The following LARP1 variants were observed in gnomAD, a reference collection of about 807,000 sequenced individuals.
The protein encoded by LARP1 is la-related protein 1.
In LARP1, 36 loss-of-function variants were observed where a neutral mutation model predicts 122.7. That is an observed-to-expected ratio of 0.29 (90% CI 0.22 to 0.39). The LOEUF (loss-of-function observed/expected upper bound fraction) is 0.39, where lower values mean the gene tolerates loss of function less well. Among genes scored for constraint, LARP1 ranks in the 10% least tolerant of loss-of-function variants. The probability of loss-of-function intolerance (pLI) is 1.00; values close to 1 mark genes in which losing one functional copy is unlikely to be tolerated. For missense variants in LARP1, 1,040 were observed against 1,403.6 expected (o/e 0.74, Z 4.14); for synonymous variants, 539 against 528.7 (o/e 1.02, Z -0.27).
intron 8 of LARP1, 107 bp from the exon 9 acceptor site, chr5:154,799,484 G>A: frequency 3.7e-6 from 4 of 1,081,790 alleles, no homozygotes; most frequent in Non-Finnish European, 5.5e-6. Flanking sequence ...ATTACTGGTA[G>A]CATTGGACTC....
intron 1 of LARP1, among the ~76,000 whole-genome samples, chr5:154,713,495 T>C (rs1395634392): frequency 6.6e-6 from 1 of 152,248 alleles, no homozygotes; most frequent in Admixed American, 6.5e-5. Flanking sequence ...ACTAAATTGA[T>C]GCAGGTTTAG....
chr5:154,786,928 G>C (rs184590783), intron 1 of LARP1, among the ~76,000 whole-genome samples: 89 of 151,526 alleles, frequency 5.9e-4, no homozygotes, highest in African/African-American at 2.1e-3. Context: ...GCCCAGGCTG[G>C]AGCACAATGG....
chr5:154,732,759 A>G (rs1460585282), intron 1 of LARP1, among the ~76,000 whole-genome samples: 1 of 151,686 alleles, frequency 6.6e-6, no homozygotes, highest in Non-Finnish European at 1.5e-5. Context: ...GTCTCCAGCA[A>G]TGGATGTGAT....
chr5:154,790,873 C>T (rs1473030548), intron 3 of LARP1, among the ~76,000 whole-genome samples, 163 bp downstream of exon 3: 1 of 152,008 alleles, frequency 6.6e-6, no homozygotes, highest in Non-Finnish European at 1.5e-5. Context: ...GTTGGAGTGC[C>T]ATGGTACAAT....
Position 154,802,525 on chromosome 5 carries a change from T to C in LARP1, c.2109+126T>C, listed in dbSNP as rs1382428424. 2 of 1,156,384 alleles carry C rather than the reference T, an allele frequency of 1.7e-6. No homozygotes were observed. The highest frequency in any genetic ancestry group is 5.0e-5 in the East Asian group (2 of 39,740). 71.6% of individuals were successfully genotyped at this position (1,156,384 alleles called of 1,614,324 possible). ...AATTCAGAGTCTCAGGATTTTTATA[T>C]ATGGGAAGGGGATGATGACTGACAT... is the stretch of plus-strand genomic sequence containing the variant. On this transcript the variant is annotated intron_variant, in intron 11 of 18. Transcript: ENST00000518297. This position sits in a 1 kb window ranked among gnomAD's most constrained non-coding sequence, Gnocchi z 5.1.
At chr5:154,699,327 A>T (rs1410403398) in intron 1 of LARP1, among the ~76,000 whole-genome samples, 1 of 152,138 alleles carries the variant, frequency 6.6e-6, no homozygotes, top group African/African-American at 2.4e-5. Context: ...ATTCCTGGAG[A>T]TTCAAATTTT....
At chr5:154,723,240 G>T (rs769040565) in intron 1 of LARP1, among the ~76,000 whole-genome samples, 5 of 152,226 alleles carry the variant, frequency 3.3e-5, no homozygotes, top group African/African-American at 1.2e-4. Flanking sequence ...CTCTAACAGG[G>T]GTTGTCAATG....
At chr5:154,717,903 G>T (rs1367100099) in intron 1 of LARP1, among the ~76,000 whole-genome samples, 2 of 151,944 alleles carry the variant, frequency 1.3e-5, no homozygotes, top group African/African-American at 4.8e-5. Flanking sequence ...CTATGGGTTA[G>T]AAATAGCCTT....
At chr5:154,745,405 A>G (rs1246099081) in intron 1 of LARP1, among the ~76,000 whole-genome samples, 2 of 152,092 alleles carry the variant, frequency 1.3e-5, no homozygotes, top group African/African-American at 2.4e-5. Context: ...AGTGACCACT[A>G]CCCCCTTTAT....
At chr5:154,771,276 A>T (rs1755406612) in intron 1 of LARP1, among the ~76,000 whole-genome samples, 2 of 152,126 alleles carry the variant, frequency 1.3e-5, no homozygotes, top group South Asian at 4.1e-4. Flanking sequence ...CCCAGGCCGG[A>T]GTTCCTGGAG....
chr5:154,700,521 G>A (rs1173630494), intron 1 of LARP1, among the ~76,000 whole-genome samples: 1 of 152,028 alleles, frequency 6.6e-6, no homozygotes, highest in Non-Finnish European at 1.5e-5. Flanking sequence ...AACAGAGTGA[G>A]ACCCTGTCTC....
chr5:154,806,072 G>C lies in LARP1; in HGVS notation c.2698+40G>C, dbSNP rs186072749. On this transcript the variant is annotated intron_variant, in intron 15 of 18. Coordinates refer to ENST00000518297, the MANE Select transcript of LARP1 (RefSeq NM_033551.3). Reference sequence around the variant, plus strand: ...GGGCAGGAGATGAGCCTCTGGGCCCGTTATTTAGACCCAGAGTATAAGAGT... The same window carrying C: ...GGGCAGGAGATGAGCCTCTGGGCCCCTTATTTAGACCCAGAGTATAAGAGT... 789 of 1,601,172 alleles carry C rather than the reference G, an allele frequency of 4.9e-4. 2 individuals are homozygous for C. The highest frequency in any genetic ancestry group is 1.4e-3 in the Middle Eastern group (8 of 5,880).
At chr5:154,800,155 G>A (rs1240961771) in intron 10 of LARP1, 113 bp downstream of exon 10, 7 of 954,150 alleles carry the variant, frequency 7.3e-6, no homozygotes, top group Admixed American at 2.7e-5. Flanking sequence ...GGAAATCTGG[G>A]TAGTTCAGGA....
chr5:154,705,251 AC>A (rs766973682), intron 1 of LARP1, among the ~76,000 whole-genome samples: 3 of 152,244 alleles, frequency 2.0e-5, no homozygotes, highest in Non-Finnish European at 4.4e-5. Context: ...ATGATGAGAT[AC>A]CAACTTACAC....
chr5:154,813,018 C>T (rs1403533414), intron 18 of LARP1, among the ~76,000 whole-genome samples: 1 of 152,078 alleles, frequency 6.6e-6, no homozygotes. Context: ...TTAAAACTGC[C>T]ATTTATTAAG....
chr5:154,778,541 T>C (rs1292493243), intron 1 of LARP1, among the ~76,000 whole-genome samples: 1 of 152,178 alleles, frequency 6.6e-6, no homozygotes, highest in Non-Finnish European at 1.5e-5. Flanking sequence ...TAGCTTATCC[T>C]GGAAAGCCGG....
At chr5:154,753,680 C>A (rs1159043050), upstream of LARP1, among the ~76,000 whole-genome samples, 2 of 152,290 alleles carry the variant, frequency 1.3e-5, no homozygotes, top group South Asian at 2.1e-4. Context: ...ATTATTTACC[C>A]CCATTTTTCC....
intron 1 of LARP1, among the ~76,000 whole-genome samples, chr5:154,771,763 A>G (rs1582358363): frequency 6.6e-6 from 1 of 152,258 alleles, no homozygotes; most frequent in East Asian, 1.9e-4. Flanking sequence ...TTATTCCCCT[A>G]GAGATGTTCC....
chr5:154,705,985 G>A (rs1030287338), intron 1 of LARP1, among the ~76,000 whole-genome samples: 2 of 152,114 alleles, frequency 1.3e-5, no homozygotes, highest in African/African-American at 4.8e-5. Flanking sequence ...CACCAACGGT[G>A]GACTGGATAA....
Sources: gnomAD v4.1 joint callset for allele counts (sites outside exome capture counted in the v4.1 genomes callset) on GRCh38, gnomAD v4.1.1 for gene constraint, Gnocchi (gnomAD v3.1) non-coding constraint, MANE v1.5 for transcripts, NCBI Gene and HGNC (gene_info 2026-07-23, HGNC 2026-07-21) for gene names.